VPS35L: variants seen among roughly 807,000 people sequenced by gnomAD.
VPS35L encodes VPS35 endosomal protein sorting factor like.
Under a neutral mutation model 133.0 loss-of-function variants are expected in VPS35L, and 83 were observed. The ratio of observed to expected loss-of-function variants is 0.62; its 90% CI spans 0.52 to 0.75. VPS35L has a LOEUF of 0.75. Among genes scored for constraint, VPS35L ranks in the 30% least tolerant of loss-of-function variants. The pLI, the probability that VPS35L is intolerant of heterozygous loss-of-function variation, is 0.00. For synonymous variants in VPS35L, 423 were observed against 449.9 expected (o/e 0.94, Z 0.76); for missense variants, 1,083 against 1,206.8 (o/e 0.90, Z 1.52).
intron 27 of VPS35L, among the ~76,000 whole-genome samples, chr16:19,679,405 C>A (rs991125583): frequency 7.1e-6 from 1 of 140,444 alleles, no homozygotes; most frequent in African/African-American, 2.6e-5. Flanking sequence ...CACCACCACA[C>A]GTGGCTAATT....
chr16:19,654,515 C>G (rs1418928637), intron 26 of VPS35L, among the ~76,000 whole-genome samples: 1 of 148,928 alleles, frequency 6.7e-6, no homozygotes, highest in Non-Finnish European at 1.5e-5. Flanking sequence ...GCCGAGATCG[C>G]ACCACTTGAG....
chr16:19,680,912 C>CGG (rs1975249343), intron 27 of VPS35L, among the ~76,000 whole-genome samples: 1 of 106,358 alleles, frequency 9.4e-6, no homozygotes, highest in African/African-American at 4.6e-5. Flanking sequence ...GTCTCAGAAC[C>CGG]CGCCCCCCCC....
chr16:19,630,930 A>G (rs1389725245), intron 18 of VPS35L, among the ~76,000 whole-genome samples: 9 of 152,024 alleles, frequency 5.9e-5, no homozygotes, highest in African/African-American at 1.2e-4. Context: ...AATCGCTTCA[A>G]TGTGGGAGGC....
In VPS35L at chr16:19,609,347, C is replaced by T. The variant is rs191223971; in HGVS notation, c.929+326C>T. Among the ~76,000 whole-genome samples, 223 of 152,286 alleles carry T rather than the reference C, an allele frequency of 1.5e-3. 1 individual carries two copies. The highest frequency in any genetic ancestry group is 2.3e-3 in the Non-Finnish European group (154 of 68,018). ...AACAAGTTACTTACAGCCTCAGAAC[C>T]TCTGGCTCCCTCTCCTGGGAACATG... On this transcript the variant is annotated intron_variant, in intron 11 of 30. Transcript: ENST00000417362.
intron 8 of VPS35L, among the ~76,000 whole-genome samples, chr16:19,596,693 G>A (rs1972226500): frequency 6.6e-6 from 1 of 151,990 alleles, no homozygotes; most frequent in Non-Finnish European, 1.5e-5. Context: ...ATAAATTATG[G>A]TGTGTCTGTA....
rs200117271 is a variant in VPS35L, at chr16:19,699,531, T to A, written c.2676T>A (p.Leu892=). 7.7e-5 allele frequency: 125 copies of A among 1,614,062 alleles called. No individual in the cohort carries two copies. The highest frequency in any genetic ancestry group is 9.5e-5 in the Non-Finnish European group (112 of 1,180,028). ...EALKRQSSLG[L]SFFNSILAHG... Reference sequence around the variant, plus strand: ...TGAAGCGCCAGAGCTCGTTGGGCCTTTCCTTCTTTAACAGCATCTTGGCCC... The same window carrying A: ...TGAAGCGCCAGAGCTCGTTGGGCCTATCCTTCTTTAACAGCATCTTGGCCC... The change falls in exon 30 of 31, where the codon CTT becomes CTA. Residue 892 remains leucine, a synonymous_variant. Transcript: ENST00000417362. The surrounding 1 kb of genome is among the most constrained non-coding windows in gnomAD (Gnocchi z 4.2).
intron 14 of VPS35L, 120 bp from the exon 15 acceptor site, chr16:19,626,057 A>G: frequency 1.6e-6 from 1 of 639,326 alleles, no homozygotes. Flanking sequence ...GACACTGAGA[A>G]TTATCTTAAT....
chr16:19,690,818 C>G (rs1463559363), intron 28 of VPS35L, among the ~76,000 whole-genome samples: 1 of 152,092 alleles, frequency 6.6e-6, no homozygotes, highest in Non-Finnish European at 1.5e-5. Flanking sequence ...AAAAAAATAG[C>G]CAGGCGTGCT....
intron 26 of VPS35L, among the ~76,000 whole-genome samples, chr16:19,663,117 C>T (rs1287077848): frequency 5.3e-5 from 8 of 152,052 alleles, no homozygotes; most frequent in African/African-American, 1.4e-4. Context: ...CGAGATCAGC[C>T]TGACCAACAT....
chr16:19,694,284 A>G (rs907717324), intron 29 of VPS35L: 5 of 152,194 alleles, frequency 3.3e-5, no homozygotes, highest in Non-Finnish European at 7.3e-5. Context: ...ATAAAACCCT[A>G]AATACACATT....
chr16:19,651,852 G>A (rs1167343002), intron 25 of VPS35L, 124 bp from the exon 26 acceptor site: 2 of 734,652 alleles, frequency 2.7e-6, no homozygotes, highest in African/African-American at 3.5e-5. Context: ...GGGAAAATGG[G>A]GCTCAGAATG....
At chr16:19,590,511 A>T (rs1014130270) in intron 7 of VPS35L, among the ~76,000 whole-genome samples, 2 of 152,134 alleles carry the variant, frequency 1.3e-5, no homozygotes, top group African/African-American at 4.8e-5. Flanking sequence ...CATGGCATTA[A>T]ATTTAGTTCT....
chr16:19,666,401 A>G (rs1317241863), intron 26 of VPS35L, among the ~76,000 whole-genome samples: 3 of 152,226 alleles, frequency 2.0e-5, no homozygotes, highest in Non-Finnish European at 2.9e-5. Context: ...ACTTTAAACT[A>G]TAAGGATAAA....
Position 19,610,387 on chromosome 16 carries a change from C to A in VPS35L, c.995C>A (p.Ser332Ter). Residue 332 changes from serine (S) to a stop codon, truncating the protein, a stop_gained, in exon 12 of 31, where the codon TCG (serine) becomes TAG (stop). Coordinates refer to ENST00000417362, the MANE Select transcript of VPS35L (RefSeq NM_020314.7). LOFTEE classifies it high-confidence loss of function. ...AGAGGGATCGGAGACCCACTAGTGT[C>A]GGTGTATGCCCGTGCCTACCTGTGC... ...MIRGIGDPLV[S>*]VYARAYLCRV... is the part of the protein sequence containing the mutation. 1 of 1,614,070 alleles carries A rather than the reference C, an allele frequency of 6.2e-7. No homozygotes were observed. Among genetic ancestry groups the A allele is most frequent in the Non-Finnish European group, 8.5e-7 (1 of 1,180,000 alleles).
chr16:19,558,979 T>TTC (rs1295558617), intron 1 of VPS35L, among the ~76,000 whole-genome samples: 5 of 151,954 alleles, frequency 3.3e-5, no homozygotes, highest in Admixed American at 1.3e-4. Context: ...TTTAAGAGTT[T>TTC]TTTTTATGTG....
At chr16:19,584,247 A>G (rs1208522647) in intron 7 of VPS35L, among the ~76,000 whole-genome samples, 2 of 152,290 alleles carry the variant, frequency 1.3e-5, no homozygotes, top group Admixed American at 1.3e-4. Context: ...ATCATATGGT[A>G]GTTCTATTTT....
At chr16:19,667,623 A>C (rs1479913879) in intron 26 of VPS35L, among the ~76,000 whole-genome samples, 1 of 151,738 alleles carries the variant, frequency 6.6e-6, no homozygotes, top group African/African-American at 2.4e-5. Context: ...AGTCCCAGTT[A>C]CTGGGGAGGC....
At chr16:19,561,550 C>G (rs534825418) in intron 1 of VPS35L, among the ~76,000 whole-genome samples, 110 of 152,160 alleles carry the variant, frequency 7.2e-4, no homozygotes, top group African/African-American at 2.6e-3. Context: ...GTAAAGCTGA[C>G]TAGTTGCACG....
chr16:19,682,940 A>C (rs897599604), intron 28 of VPS35L, among the ~76,000 whole-genome samples: 1 of 152,012 alleles, frequency 6.6e-6, no homozygotes, highest in Non-Finnish European at 1.5e-5. Context: ...TGATTGATTG[A>C]TTGAGACAAG....
Sources: allele counts gnomAD v4.1 joint callset (sites outside exome capture counted in the v4.1 genomes callset), GRCh38; gene constraint gnomAD v4.1.1; non-coding constraint Gnocchi (gnomAD v3.1); transcripts MANE v1.5; gene names NCBI Gene and HGNC (gene_info 2026-07-23, HGNC 2026-07-21).